The following DACH1 variants were observed in gnomAD, a reference collection of about 807,000 sequenced individuals.
DACH1 encodes the protein dachshund family transcription factor 1, also known as dachshund homolog 1.
In DACH1, 12 loss-of-function variants were observed where a neutral mutation model predicts 54.2. The observed-to-expected ratio is 0.22, with a 90% CI of 0.14 to 0.36. The LOEUF is 0.36. Ranked by LOEUF, DACH1 falls within the 10% of genes least tolerant of loss-of-function variation. The probability of loss-of-function intolerance (pLI) is 1.00; values close to 1 mark genes in which losing one functional copy is unlikely to be tolerated. For synonymous variants in DACH1, 386 were observed against 366.2 expected (o/e 1.05, Z -0.62); for missense variants, 805 against 929.8 (o/e 0.87, Z 1.75).
At position 71,743,638 on chromosome 13, in the gene DACH1, T is replaced by A. The variant is rs73523501; in HGVS notation, c.849-61728A>T. On this transcript the variant is annotated intron_variant, in intron 1 of 10. Transcript: ENST00000613252. ...AGAATATCCTATGCCAGGTAAGAGA[T>A]GTGGGACTTAATTCCTTAGACAATT... 5.9e-3 allele frequency among the ~76,000 whole-genome samples: 902 copies of A among 152,318 alleles called. 14 individuals carry two copies. Among genetic ancestry groups the A allele is most frequent in the African/African-American group, 0.02 (851 of 41,578 alleles).
intron 1 of DACH1, among the ~76,000 whole-genome samples, chr13:71,795,373 G>T (rs1252762317): frequency 6.6e-6 from 1 of 152,056 alleles, no homozygotes; most frequent in Non-Finnish European, 1.5e-5. Flanking sequence ...AGTGAACCAT[G>T]TTTACTTTCT....
At chr13:71,691,552 C>T (rs573457560) in intron 1 of DACH1, among the ~76,000 whole-genome samples, 1 of 150,944 alleles carries the variant, frequency 6.6e-6, no homozygotes, top group African/African-American at 2.4e-5. Flanking sequence ...AGATGCCAAG[C>T]CCTGAGCCCA....
chr13:71,640,774 T>A (rs772784287), intron 2 of DACH1, among the ~76,000 whole-genome samples: 28 of 152,094 alleles, frequency 1.8e-4, no homozygotes, highest in Admixed American at 2.0e-4. Context: ...ACGATGTTTT[T>A]GTTTTGTTAA....
chr13:71,703,540 T>C (rs1036182930), intron 1 of DACH1, among the ~76,000 whole-genome samples: 4 of 152,240 alleles, frequency 2.6e-5, no homozygotes, highest in African/African-American at 4.8e-5. Context: ...CAGGTAAAGC[T>C]GACTGCACAA....
chr13:71,477,148 C>T lies in DACH1; in HGVS notation c.1871-1299G>A, dbSNP rs186838896. On this transcript the variant is annotated intron_variant, in intron 8 of 10. Coordinates refer to ENST00000613252, the MANE Select transcript of DACH1 (RefSeq NM_080759.6). ...TTTTTTTTTTTGAGACGGAGTCTCG[C>T]TCTGTTGCCCAGCCCAGGCTGGAGT... is the stretch of plus-strand genomic sequence containing the variant. Among the ~76,000 whole-genome samples, 53 of 104,784 alleles carry T rather than the reference C, an allele frequency of 5.1e-4. No homozygotes were observed. The East Asian group carries it at 0.014, about 28-fold the overall frequency. The allele number at this position is 104,784 out of a possible 152,430, so 68.7% of individuals were successfully genotyped here.
At chr13:71,615,092 T>C (rs1016227301) in intron 3 of DACH1, among the ~76,000 whole-genome samples, 23 of 152,212 alleles carry the variant, frequency 1.5e-4, no homozygotes, top group African/African-American at 5.3e-4. Context: ...GATTATCCCA[T>C]GTTTATGGTA....
intron 3 of DACH1, among the ~76,000 whole-genome samples, chr13:71,593,070 A>G (rs574948767): frequency 6.6e-6 from 1 of 152,296 alleles, no homozygotes; most frequent in South Asian, 2.1e-4. Flanking sequence ...AATAGGAAGA[A>G]TTAGAGAGTT....
chr13:71,763,438 A>G (rs1885485004), intron 1 of DACH1, among the ~76,000 whole-genome samples: 1 of 152,138 alleles, frequency 6.6e-6, no homozygotes, highest in Non-Finnish European at 1.5e-5. Flanking sequence ...CCCCATGATA[A>G]TTACTTAAAA....
intron 1 of DACH1, among the ~76,000 whole-genome samples, chr13:71,715,108 T>C (rs919608625): frequency 1.3e-5 from 2 of 152,276 alleles, no homozygotes; most frequent in South Asian, 4.1e-4. Flanking sequence ...CCCAACAGCA[T>C]GACTCATAAA....
intron 9 of DACH1, 23 bp from the exon 10 acceptor site, chr13:71,475,232 G>C: frequency 6.3e-7 from 1 of 1,598,726 alleles, no homozygotes; most frequent in Non-Finnish European, 8.6e-7. Flanking sequence ...AAAGGTAAGA[G>C]TGACACATAT....
rs1878760380 is a variant in DACH1 at position 71,488,932 on chromosome 13, T to C, written c.1722+65A>G. ...GATTAAGTAGGAACAGTATAAATTT[T>C]GGAAAAAAAAAATCTACAACAGGGT... On this transcript the variant is annotated intron_variant, in intron 7 of 10. Transcript: ENST00000613252. 9 of 1,496,216 alleles carry C rather than the reference T, an allele frequency of 6.0e-6. No homozygotes were observed. In the South Asian group the frequency reaches 9.1e-5, roughly 15 times the overall value. The allele number at this position is 1,496,216 out of a possible 1,614,324, so 92.7% of individuals were successfully genotyped here.
At chr13:71,681,526 G>A (rs1880892689) in intron 2 of DACH1, among the ~76,000 whole-genome samples, 1 of 152,072 alleles carries the variant, frequency 6.6e-6, no homozygotes, top group South Asian at 2.1e-4. Flanking sequence ...TAAGAAAATA[G>A]GAATAATAAT....
chr13:71,735,101 GGGATACACGTATATGGGTTATACATA>G (rs1883962252), intron 1 of DACH1, among the ~76,000 whole-genome samples: 1 of 150,678 alleles, frequency 6.6e-6, no homozygotes. Flanking sequence ...ATACATATAT[GGGATACACGTATATGGGTTATACATA>G]TATATGGGAT....
intron 6 of DACH1, among the ~76,000 whole-genome samples, chr13:71,491,527 A>G (rs1005138079): frequency 7.2e-5 from 11 of 152,172 alleles, no homozygotes; most frequent in African/African-American, 2.7e-4. Flanking sequence ...TTCATTTATC[A>G]TCTTACATAG....
chr13:71,486,970 G>T (rs567864940), intron 7 of DACH1, among the ~76,000 whole-genome samples: 1 of 151,602 alleles, frequency 6.6e-6, no homozygotes, highest in Non-Finnish European at 1.5e-5. Flanking sequence ...TCAACCTCTC[G>T]AGTAGCTGGG....
intron 6 of DACH1, among the ~76,000 whole-genome samples, chr13:71,493,735 T>C (rs1879179181): frequency 2.6e-5 from 4 of 152,276 alleles, no homozygotes; most frequent in South Asian, 2.1e-4. Flanking sequence ...CATTTTCTAA[T>C]ACTTTTTATA....
intron 1 of DACH1, among the ~76,000 whole-genome samples, chr13:71,764,674 G>A (rs982177169): frequency 6.6e-6 from 1 of 152,128 alleles, no homozygotes; most frequent in Non-Finnish European, 1.5e-5. Flanking sequence ...CTACTGCTGT[G>A]CTCAAAGTAC....
chr13:71,839,579 C>A (rs895123314), intron 1 of DACH1, among the ~76,000 whole-genome samples: 2 of 151,844 alleles, frequency 1.3e-5, no homozygotes, highest in African/African-American at 4.8e-5. Context: ...TGCACTCCAG[C>A]CTGGGCAACA....
chr13:71,618,488 T>G (rs1875953027), intron 3 of DACH1, among the ~76,000 whole-genome samples: 2 of 152,078 alleles, frequency 1.3e-5, no homozygotes, highest in South Asian at 4.1e-4. Flanking sequence ...AATGTCAAGC[T>G]TGTATTACTT....
Sources: allele counts gnomAD v4.1 joint callset (sites outside exome capture counted in the v4.1 genomes callset), GRCh38; gene constraint gnomAD v4.1.1; transcripts MANE v1.5; gene names NCBI Gene and HGNC (gene_info 2026-07-23, HGNC 2026-07-21).